PIEZO2: variants seen among roughly 807,000 people sequenced by gnomAD.
PIEZO2 encodes the protein piezo-type mechanosensitive ion channel component 2.
PIEZO2 carries 172 observed loss-of-function variants against 337.3 expected under a neutral mutation model. That is an observed-to-expected ratio of 0.51 (90% CI 0.45 to 0.58). The LOEUF (loss-of-function observed/expected upper bound fraction) is 0.58, where lower values mean the gene tolerates loss of function less well. Among genes scored for constraint, PIEZO2 ranks in the 20% least tolerant of loss-of-function variants. The probability of loss-of-function intolerance (pLI) is 0.00; values close to 1 mark genes in which losing one functional copy is unlikely to be tolerated. For missense variants in PIEZO2, 3,028 were observed against 3,391.3 expected, an observed-to-expected ratio of 0.89 and a Z score of 2.66; for synonymous variants, 1,251 against 1,228.5, an observed-to-expected ratio of 1.02 and a Z score of -0.38.
Position 10,942,145 on chromosome 18 carries a change from A to G in PIEZO2, c.287-30917T>C, listed in dbSNP as rs901533405. 1.3e-5 allele frequency among the ~76,000 whole-genome samples: 2 copies of G among 152,162 alleles called. No individual in the cohort carries two copies. Among genetic ancestry groups the G allele is most frequent in the African/African-American group, 4.8e-5 (2 of 41,440 alleles). Reference sequence around the variant, plus strand: ...CTTTTGTAAAATGCCTAGTCTCTGGAATGTCTTTCTCAGCAGCATGAAAAT... The same window carrying G: ...CTTTTGTAAAATGCCTAGTCTCTGGGATGTCTTTCTCAGCAGCATGAAAAT... On this transcript the variant is annotated intron_variant, in intron 3 of 55. Coordinates refer to ENST00000674853, the MANE Select transcript of PIEZO2 (RefSeq NM_001378183.1). The surrounding 1 kb of genome is among the most constrained non-coding windows in gnomAD (Gnocchi z 4.4).
chr18:10,950,439 T>G (rs1367204875), intron 3 of PIEZO2, among the ~76,000 whole-genome samples: 1 of 151,782 alleles, frequency 6.6e-6, no homozygotes, highest in African/African-American at 2.4e-5. Context: ...AGACAAGGAC[T>G]GAACAAAATC....
intron 18 of PIEZO2, among the ~76,000 whole-genome samples, chr18:10,776,057 T>C (rs1377227956): frequency 6.6e-6 from 1 of 152,242 alleles, no homozygotes; most frequent in Non-Finnish European, 1.5e-5. Context: ...ATATTTTAAA[T>C]GCATGAATAA....
At chr18:10,823,301 T>G (rs1294072560) in intron 7 of PIEZO2, among the ~76,000 whole-genome samples, 4 of 152,220 alleles carry the variant, frequency 2.6e-5, no homozygotes, top group Non-Finnish European at 4.4e-5. Flanking sequence ...TTCTCTTACT[T>G]TCTTATTTTG....
rs1028383770 is a variant in PIEZO2, at chr18:10,670,864, T to G, written c.*663A>C. ...ATTTGTTTTGCTCCTTTTTTTTTTT[T>G]TTCCTGAGAAGTCACTGGTGTTTAA... On this transcript the variant is annotated 3_prime_UTR_variant, in exon 56 of 56. Coordinates refer to ENST00000674853, the MANE Select transcript of PIEZO2 (RefSeq NM_001378183.1). The G allele has an allele frequency of 2.0e-5, 3 of 152,604 alleles. No homozygotes were observed. Among genetic ancestry groups the G allele is most frequent in the African/African-American group, 7.2e-5 (3 of 41,420 alleles). The allele number at this position is 152,604 out of a possible 1,614,324, so 9.5% of individuals were successfully genotyped here.
chr18:10,966,979 C>T (rs2034026463), intron 3 of PIEZO2, among the ~76,000 whole-genome samples: 1 of 149,502 alleles, frequency 6.7e-6, no homozygotes, highest in African/African-American at 2.5e-5. Context: ...AGTAGTATTC[C>T]ATGATATGTG....
At chr18:10,987,566 G>T (rs2034925418) in intron 2 of PIEZO2, among the ~76,000 whole-genome samples, 1 of 151,750 alleles carries the variant, frequency 6.6e-6, no homozygotes, top group African/African-American at 2.4e-5. Flanking sequence ...AACTCAAAAT[G>T]TATTAAAAAT....
intron 3 of PIEZO2, among the ~76,000 whole-genome samples, chr18:10,916,825 T>C (rs1449440671): frequency 6.6e-6 from 1 of 152,240 alleles, no homozygotes; most frequent in Non-Finnish European, 1.5e-5. Context: ...GCCAGCACGC[T>C]GTCACCTCTC....
intron 36 of PIEZO2, among the ~76,000 whole-genome samples, chr18:10,721,123 C>G (rs2036293966): frequency 6.6e-6 from 1 of 152,140 alleles, no homozygotes; most frequent in Non-Finnish European, 1.5e-5. Flanking sequence ...GGCTTTAGAA[C>G]AAAGAAGTCT....
At chr18:10,762,117 T>C (rs2038160767) in intron 23 of PIEZO2, among the ~76,000 whole-genome samples, 1 of 152,244 alleles carries the variant, frequency 6.6e-6, no homozygotes, top group African/African-American at 2.4e-5. Flanking sequence ...TACTTAATAT[T>C]TTTCTTTGTG....
intron 2 of PIEZO2, among the ~76,000 whole-genome samples, chr18:11,024,931 G>A (rs929560290): frequency 6.6e-6 from 1 of 151,006 alleles, no homozygotes; most frequent in Non-Finnish European, 1.5e-5. Context: ...GAGCCACCGT[G>A]CCCAGCGAAG....
chr18:11,133,090 A>C (rs1244497806), intron 1 of PIEZO2, among the ~76,000 whole-genome samples: 1 of 152,234 alleles, frequency 6.6e-6, no homozygotes, highest in Non-Finnish European at 1.5e-5. Context: ...AGCTGCAGAA[A>C]TAAGGACTGT....
rs1279559254 is a variant in PIEZO2, at chr18:10,945,459, G to A, written c.286+34076C>T. On this transcript the variant is annotated intron_variant, in intron 3 of 55. Transcript: ENST00000674853. The surrounding 1 kb of genome is among the most constrained non-coding windows in gnomAD (Gnocchi z 4.0). Reference sequence around the variant, plus strand: ...CAAAAGGGTCTTGCCTCAGTAGTGGGGAAAAATGCCCATGGATTGAAATTG... The same window carrying A: ...CAAAAGGGTCTTGCCTCAGTAGTGGAGAAAAATGCCCATGGATTGAAATTG... 1.3e-5 allele frequency among the ~76,000 whole-genome samples: 2 copies of A among 152,086 alleles called. No individual in the cohort carries two copies. Among genetic ancestry groups the A allele is most frequent in the African/African-American group, 4.8e-5 (2 of 41,418 alleles).
Position 10,815,537 on chromosome 18 carries a change from T to C in PIEZO2, c.918-8263A>G, listed in dbSNP as rs2040336217. On this transcript the variant is annotated intron_variant, in intron 7 of 55. Coordinates refer to ENST00000674853, the MANE Select transcript of PIEZO2 (RefSeq NM_001378183.1). The surrounding 1 kb of genome is among the most constrained non-coding windows in gnomAD (Gnocchi z 4.1). ...TGAAACGGGCCTTGAAAATATCCTATATACAATTGTTTTGGATTGTAAGCT... is the reference window on the plus strand; with the variant it reads ...TGAAACGGGCCTTGAAAATATCCTACATACAATTGTTTTGGATTGTAAGCT... 6.6e-6 allele frequency among the ~76,000 whole-genome samples: 1 copy of C among 152,220 alleles called. No homozygotes were observed. The highest frequency in any genetic ancestry group is 1.5e-5 in the Non-Finnish European group (1 of 68,034).
Position 11,125,976 on chromosome 18 carries a change from G to A in PIEZO2, c.64+22549C>T, listed in dbSNP as rs2040170606. 6.6e-6 allele frequency among the ~76,000 whole-genome samples: 1 copy of A among 152,218 alleles called. No individual in the cohort carries two copies. Among genetic ancestry groups the A allele is most frequent in the South Asian group, 2.1e-4 (1 of 4,830 alleles). On this transcript the variant is annotated intron_variant, in intron 1 of 55. Transcript: ENST00000674853. The surrounding 1 kb of genome is among the most constrained non-coding windows in gnomAD (Gnocchi z 4.4). ...CATAAGATGGACAGACAAGTAGCAC[G>A]TGACTGTGGTTTTATCCAGAGTGTT...
chr18:10,726,451 C>G lies in PIEZO2; in HGVS notation c.5029+4956G>C, dbSNP rs2036544193. ...CGGCTGCGGTACGGGCTACGGCCGG[C>G]GAACCCCACGAGGAGGGCCTGGCCA... On this transcript the variant is annotated intron_variant, in intron 36 of 55. Coordinates refer to ENST00000674853, the MANE Select transcript of PIEZO2 (RefSeq NM_001378183.1). This position sits in a 1 kb window ranked among gnomAD's most constrained non-coding sequence, Gnocchi z 5.9. The G allele has an allele frequency of 2.0e-6, 3 of 1,529,140 alleles. No individual in the cohort carries two copies. The South Asian group carries it at 3.6e-5, about 18-fold the overall frequency. 94.7% of individuals were successfully genotyped at this position (1,529,140 alleles called of 1,614,324 possible). A position where few individuals can be genotyped will look rare whatever the true frequency, so the allele number is the denominator to read the frequency against.
In PIEZO2 at chr18:11,111,758, G is replaced by A. The variant is rs1026333756; in HGVS notation, c.64+36767C>T. ...CCGTAGCCAGGCACCAGTCTGCACC[G>A]AAAGCGTGCACAGTAGAAACCTGGC... On this transcript the variant is annotated intron_variant, in intron 1 of 55. Transcript: ENST00000674853. The surrounding 1 kb of genome is among the most constrained non-coding windows in gnomAD (Gnocchi z 6.2). Among the ~76,000 whole-genome samples the A allele has an allele frequency of 1.4e-4, 21 of 152,342 alleles. No individual in the cohort carries two copies. The highest frequency in any genetic ancestry group is 4.8e-4 in the African/African-American group (20 of 41,576).
intron 7 of PIEZO2, among the ~76,000 whole-genome samples, chr18:10,836,382 C>T (rs1367553664): frequency 1.3e-5 from 2 of 152,118 alleles, no homozygotes; most frequent in Non-Finnish European, 1.5e-5. Flanking sequence ...CAATTGCTGA[C>T]CTCTCCCTCT....
At chr18:10,721,459 A>T (rs1284678942) in intron 36 of PIEZO2, among the ~76,000 whole-genome samples, 1 of 152,220 alleles carries the variant, frequency 6.6e-6, no homozygotes, top group Non-Finnish European at 1.5e-5. Flanking sequence ...GCCTGTGCAC[A>T]ATAAATAATC....
chr18:11,113,432 C>A (rs190160545), intron 1 of PIEZO2, among the ~76,000 whole-genome samples: 188 of 152,278 alleles, frequency 1.2e-3, no homozygotes, highest in Non-Finnish European at 2.1e-3. Flanking sequence ...ACAGGACAGC[C>A]CTCCTAAAGG....
Sources: allele counts gnomAD v4.1 joint callset (sites outside exome capture counted in the v4.1 genomes callset), GRCh38; gene constraint gnomAD v4.1.1; non-coding constraint Gnocchi (gnomAD v3.1); transcripts MANE v1.5; gene names NCBI Gene and HGNC (gene_info 2026-07-23, HGNC 2026-07-21).